Variants in EIF2B3 observed in about 807,000 individuals in gnomAD.
The protein encoded by EIF2B3 is eukaryotic translation initiation factor 2B subunit gamma.
Under a neutral mutation model 54.1 loss-of-function variants are expected in EIF2B3, and 20 were observed. The observed-to-expected ratio is 0.37, with a 90% CI of 0.26 to 0.54. The LOEUF (loss-of-function observed/expected upper bound fraction) is 0.54, where lower values mean the gene tolerates loss of function less well. Ranked by LOEUF, EIF2B3 falls within the 20% of genes least tolerant of loss-of-function variation. EIF2B3 has a pLI of 0.86. For synonymous variants in EIF2B3, 153 were observed against 188.1 expected, an observed-to-expected ratio of 0.81 and a Z score of 1.52; for missense variants, 448 against 547.8, an observed-to-expected ratio of 0.82 and a Z score of 1.82.
Position 44,881,880 on chromosome 1 carries a change from A to C in EIF2B3, c.657-141T>G, listed in dbSNP as rs1655413802. 2.3e-5 allele frequency: 27 copies of C among 1,175,958 alleles called. No homozygotes were observed. In the South Asian group the frequency reaches 2.4e-4, roughly 10 times the overall value. 72.8% of individuals were successfully genotyped at this position (1,175,958 alleles called of 1,614,324 possible). A position where few individuals can be genotyped will look rare whatever the true frequency, so the allele number is the denominator to read the frequency against. On this transcript the variant is annotated intron_variant, in intron 6 of 11. Transcript: ENST00000360403. The surrounding 1 kb of genome is among the most constrained non-coding windows in gnomAD (Gnocchi z 4.0). ...CTGTCAGAGATCAAATGTGGCATTG[A>C]CTTGGCAGTTCGGAGAAGCAGAGTG... is the stretch of plus-strand genomic sequence containing the variant.
intron 3 of EIF2B3, among the ~76,000 whole-genome samples, chr1:44,948,753 T>C (rs1378083323): frequency 6.6e-6 from 1 of 152,164 alleles, no homozygotes; most frequent in Non-Finnish European, 1.5e-5. Flanking sequence ...TGGAATTCCT[T>C]AGCATGATTT....
Position 44,940,177 on chromosome 1 carries a change from TG to T in EIF2B3, c.454+1328del, listed in dbSNP as rs1263521534. On this transcript the variant is annotated intron_variant, in intron 4 of 11. Transcript: ENST00000360403. Reference sequence around the variant, plus strand: ...AACTAGATTATTCAAATCCTAAGTATGAAGGCTCTCAGTGGCTCTATTAATA... The same window carrying T: ...AACTAGATTATTCAAATCCTAAGTATAAGGCTCTCAGTGGCTCTATTAATA... 5.3e-5 allele frequency among the ~76,000 whole-genome samples: 8 copies of T among 152,320 alleles called. No individual in the cohort carries two copies. The Middle Eastern group carries it at 0.01, about 194-fold the overall frequency.
chr1:44,930,231 G>T (rs1285890203), intron 4 of EIF2B3, among the ~76,000 whole-genome samples: 1 of 152,080 alleles, frequency 6.6e-6, no homozygotes, highest in East Asian at 1.9e-4. Flanking sequence ...TCTAGAGTTA[G>T]GAATTCCAAC....
At position 44,887,363 on chromosome 1, in the gene EIF2B3, TTAGG is replaced by T. The variant is rs774826562; in HGVS notation, c.657-5628_657-5625del. On this transcript the variant is annotated intron_variant, in intron 6 of 11. Transcript: ENST00000360403. ...CCTTTGTTTCATTTTTCTTGTGTGC[TTAGG>T]TAGGAAAAATCATTGGCTAAATTCA... 2.6e-5 allele frequency among the ~76,000 whole-genome samples: 4 copies of T among 152,278 alleles called. No homozygotes were observed. In the East Asian group the frequency reaches 7.7e-4, roughly 29 times the overall value.
intron 3 of EIF2B3, among the ~76,000 whole-genome samples, chr1:44,960,299 A>G (rs1298154697): frequency 1.3e-5 from 2 of 152,172 alleles, no homozygotes; most frequent in Non-Finnish European, 2.9e-5. Flanking sequence ...AAATAAAAAT[A>G]ATAATATAAC....
intron 10 of EIF2B3, among the ~76,000 whole-genome samples, chr1:44,866,258 C>T (rs1557661220): frequency 6.6e-6 from 1 of 151,932 alleles, no homozygotes; most frequent in Non-Finnish European, 1.5e-5. Context: ...ATTAGCTGGG[C>T]ATGGTAGCAC....
chr1:44,927,695 G>A (rs1643866909), intron 4 of EIF2B3, among the ~76,000 whole-genome samples: 1 of 152,090 alleles, frequency 6.6e-6, no homozygotes, highest in Non-Finnish European at 1.5e-5. Flanking sequence ...TGGTACCAAT[G>A]TAATTTCCTG....
intron 4 of EIF2B3, among the ~76,000 whole-genome samples, chr1:44,939,126 A>G (rs909685914): frequency 8.9e-5 from 13 of 146,146 alleles, no homozygotes; most frequent in African/African-American, 2.2e-4. Context: ...AAAAAAAAAA[A>G]GAAACAAAAG....
chr1:44,897,248 C>T, intron 6 of EIF2B3, 107 bp downstream of exon 6: 1 of 799,216 alleles, frequency 1.3e-6, no homozygotes, highest in African/African-American at 1.7e-5. Flanking sequence ...TGCTATTGTG[C>T]TAATTTTAGA....
intron 10 of EIF2B3, among the ~76,000 whole-genome samples, chr1:44,860,711 G>A (rs1391871278): frequency 6.6e-6 from 1 of 152,168 alleles, no homozygotes; most frequent in East Asian, 1.9e-4. Context: ...ATGGCTCAGT[G>A]GAAGAAGCTC....
chr1:44,876,592 C>T (rs1307673193), intron 8 of EIF2B3, among the ~76,000 whole-genome samples: 1 of 6,394 alleles, frequency 1.6e-4, no homozygotes, highest in Admixed American at 2.0e-3. Flanking sequence ...GCCCCCCACC[C>T]GGCCAGCCGC....
At chr1:44,920,757 A>G (rs1392193519) in intron 5 of EIF2B3, among the ~76,000 whole-genome samples, 1 of 152,228 alleles carries the variant, frequency 6.6e-6, no homozygotes, top group Admixed American at 6.5e-5. Flanking sequence ...TTAATTGTGT[A>G]TATGTACCAC....
rs78861201 is a variant in EIF2B3 at position 44,871,807 on chromosome 1, C to T, written c.1202+2871G>A. ...GGGGAAGGTTCCTCTGAAGAGGTGACATTTGAGCTAAGATCAAAATAGGGA... is the reference window on the plus strand; with the variant it reads ...GGGGAAGGTTCCTCTGAAGAGGTGATATTTGAGCTAAGATCAAAATAGGGA... On this transcript the variant is annotated intron_variant, in intron 10 of 11. Transcript: ENST00000360403. 8.0e-5 allele frequency among the ~76,000 whole-genome samples: 12 copies of T among 149,756 alleles called. No individual in the cohort carries two copies. The East Asian group carries it at 2.4e-3, about 30-fold the overall frequency.
intron 4 of EIF2B3, among the ~76,000 whole-genome samples, chr1:44,928,667 T>C (rs1643873807): frequency 1.3e-5 from 2 of 152,044 alleles, no homozygotes; most frequent in Non-Finnish European, 2.9e-5. Context: ...TGTGAAGAGG[T>C]CTTGGTAGAC....
At chr1:44,854,366 T>C (rs533849633) in intron 11 of EIF2B3, among the ~76,000 whole-genome samples, 1 of 152,040 alleles carries the variant, frequency 6.6e-6, no homozygotes, top group South Asian at 2.1e-4. Context: ...AGGTCAAATT[T>C]GGCTGCCAGT....
At chr1:44,870,599 C>T (rs1438498692) in intron 10 of EIF2B3, among the ~76,000 whole-genome samples, 1 of 151,700 alleles carries the variant, frequency 6.6e-6, no homozygotes, top group Non-Finnish European at 1.5e-5. Flanking sequence ...ATGTCACACA[C>T]TCTCCTTGGG....
chr1:44,903,919 C>CA (rs1643363966), intron 5 of EIF2B3, among the ~76,000 whole-genome samples: 3 of 151,892 alleles, frequency 2.0e-5, no homozygotes, highest in East Asian at 3.9e-4. Context: ...ACTAAAACTA[C>CA]AAAAAAAATT....
At chr1:44,937,666 G>A (rs574572744) in intron 4 of EIF2B3, among the ~76,000 whole-genome samples, 3 of 151,728 alleles carry the variant, frequency 2.0e-5, no homozygotes, top group African/African-American at 4.8e-5. Flanking sequence ...GGCGGATCAC[G>A]AGGTCAGGAG....
At chr1:44,875,909 C>T (rs962132663) in intron 8 of EIF2B3, among the ~76,000 whole-genome samples, 19 of 152,348 alleles carry the variant, frequency 1.2e-4, no homozygotes, top group African/African-American at 4.3e-4. Flanking sequence ...CTCAGCCTGC[C>T]GACTGCCTGC....
Sources: allele counts gnomAD v4.1 joint callset (sites outside exome capture counted in the v4.1 genomes callset), GRCh38; gene constraint gnomAD v4.1.1; non-coding constraint Gnocchi (gnomAD v3.1); transcripts MANE v1.5; gene names NCBI Gene and HGNC (gene_info 2026-07-23, HGNC 2026-07-21).